Variants in CNTFR observed in about 807,000 individuals in gnomAD.
CNTFR encodes ciliary neurotrophic factor receptor, also known as ciliary neurotrophic factor receptor subunit alpha.
A neutral mutation model predicts 40.4 loss-of-function variants in CNTFR; 12 were observed. That is an observed-to-expected ratio of 0.30 (90% confidence interval 0.19 to 0.48). The LOEUF is 0.48. CNTFR is among the 20% of genes least tolerant of loss of function. CNTFR has a pLI of 0.99. For missense variants in CNTFR, 414 were observed against 506.8 expected (o/e 0.82, Z 1.76); for synonymous variants, 202 against 209.6 (o/e 0.96, Z 0.31).
upstream of CNTFR, chr9:34,589,815 C>G (rs113165729): frequency 6.7e-6 from 1 of 148,538 alleles, no homozygotes; most frequent in Admixed American, 6.7e-5. The surrounding 1 kb of genome is among the most constrained non-coding windows in gnomAD (Gnocchi z 4.4). Context: ...CATGTGACCG[C>G]GGGCGCCCGC....
intron 2 of CNTFR, among the ~76,000 whole-genome samples, chr9:34,579,282 C>T (rs1025355240): frequency 1.1e-4 from 16 of 152,098 alleles, no homozygotes; most frequent in African/African-American, 3.9e-4. Context: ...ATCAATCCGT[C>T]CGCCCGCCGC....
At chr9:34,572,795 G>A (rs1207036957) in intron 2 of CNTFR, among the ~76,000 whole-genome samples, 1 of 152,244 alleles carries the variant, frequency 6.6e-6, no homozygotes, top group African/African-American at 2.4e-5. Flanking sequence ...AATGCAGTGA[G>A]TGACAGTCAC....
intron 1 of CNTFR, among the ~76,000 whole-genome samples, chr9:34,586,706 T>A (rs1288556534): frequency 6.6e-6 from 1 of 152,166 alleles, no homozygotes; most frequent in Non-Finnish European, 1.5e-5. Context: ...TCCACTCAGA[T>A]CTTCCTGCCA....
At chr9:34,556,445 T>C in intron 6 of CNTFR, 27 bp from the exon 7 acceptor site, 1 of 1,558,308 alleles carries the variant, frequency 6.4e-7, no homozygotes, top group Non-Finnish European at 8.7e-7. Context: ...GCTTCATTAC[T>C]ACACTAATCA....
In CNTFR at chr9:34,557,195, G is replaced by T. The variant is rs1270967657; in HGVS notation, c.604+331C>A. Among the ~76,000 whole-genome samples the T allele has an allele frequency of 2.6e-5, 4 of 151,590 alleles. No homozygotes were observed. The highest frequency in any genetic ancestry group is 9.7e-5 in the African/African-American group (4 of 41,328). ...TCCGTAAGGAAGCCATTAGAGTTGG[G>T]GGGGGGTGCGGTGGAGGCTGCAGCT... On this transcript the variant is annotated intron_variant, in intron 6 of 9. Coordinates refer to ENST00000378980, the MANE Select transcript of CNTFR (RefSeq NM_147164.3). This position sits in a 1 kb window ranked among gnomAD's most constrained non-coding sequence, Gnocchi z 4.2.
chr9:34,551,562 T>C lies in CNTFR; in HGVS notation c.*509A>G, dbSNP rs1432192048. On this transcript the variant is annotated 3_prime_UTR_variant, in exon 10 of 10. Transcript: ENST00000378980. ...GGGACTGACAGGGCATTAAATACTGTGGGATAGGAGCAGGGTCAGGGGAGG... is the reference window on the plus strand; with the variant it reads ...GGGACTGACAGGGCATTAAATACTGCGGGATAGGAGCAGGGTCAGGGGAGG... 4.4e-6 allele frequency: 1 copy of C among 225,998 alleles called. No homozygotes were observed. Among genetic ancestry groups the C allele is most frequent in the Non-Finnish European group, 8.8e-6 (1 of 113,646 alleles). 14.0% of individuals were successfully genotyped at this position (225,998 alleles called of 1,614,324 possible). A position where few individuals can be genotyped will look rare whatever the true frequency, so the allele number is the denominator to read the frequency against.
chr9:34,585,860 C>A (rs958646344), intron 1 of CNTFR, among the ~76,000 whole-genome samples: 2 of 152,204 alleles, frequency 1.3e-5, no homozygotes, highest in Non-Finnish European at 2.9e-5. Flanking sequence ...CACACATGGT[C>A]CCCCCTAACC....
chr9:34,569,059 C>T, intron 2 of CNTFR, 78 bp from the exon 3 acceptor site: 1 of 1,364,608 alleles, frequency 7.3e-7, no homozygotes, highest in East Asian at 2.5e-5. Context: ...CTCCTGTTCT[C>T]AGGCAAGACT....
intron 4 of CNTFR, among the ~76,000 whole-genome samples, chr9:34,563,962 C>G (rs901883707): frequency 6.6e-6 from 1 of 152,208 alleles, no homozygotes; most frequent in African/African-American, 2.4e-5. Flanking sequence ...TGCCCCCCGT[C>G]CCTTCCTTCA....
intron 3 of CNTFR, among the ~76,000 whole-genome samples, chr9:34,565,421 C>T (rs573051857): frequency 1.3e-5 from 2 of 152,250 alleles, no homozygotes; most frequent in South Asian, 4.1e-4. Context: ...TCTGCCTTCC[C>T]AGCCTGCCAC....
rs1827685231 is a variant in CNTFR at position 34,589,436 on chromosome 9, C to G, written c.-112+119G>C. On this transcript the variant is annotated intron_variant, in intron 1 of 9. Coordinates refer to ENST00000378980, the MANE Select transcript of CNTFR (RefSeq NM_147164.3). The surrounding 1 kb of genome is among the most constrained non-coding windows in gnomAD (Gnocchi z 4.4). ...GTTTCTCGTGAACTTTCCTGTCGCCCCCGTCCGTGGGCCCACGGGTGTCCC... is the reference window on the plus strand; with the variant it reads ...GTTTCTCGTGAACTTTCCTGTCGCCGCCGTCCGTGGGCCCACGGGTGTCCC... The G allele has an allele frequency of 6.6e-6, 1 of 151,906 alleles. No individual in the cohort carries two copies. Among genetic ancestry groups the G allele is most frequent in the Non-Finnish European group, 1.5e-5 (1 of 67,928 alleles). 9.4% of individuals were successfully genotyped at this position (151,906 alleles called of 1,614,324 possible). A position where few individuals can be genotyped will look rare whatever the true frequency, so the allele number is the denominator to read the frequency against.
chr9:34,578,185 C>T (rs1311489187), intron 2 of CNTFR, among the ~76,000 whole-genome samples: 1 of 151,280 alleles, frequency 6.6e-6, no homozygotes, highest in African/African-American at 2.4e-5. Flanking sequence ...GGCCGGGCCG[C>T]GCGGTGAGCG....
At chr9:34,563,883 T>G (rs1351554524) in intron 4 of CNTFR, among the ~76,000 whole-genome samples, 1 of 152,098 alleles carries the variant, frequency 6.6e-6, no homozygotes, top group Non-Finnish European at 1.5e-5. Context: ...CCTGCCTCCC[T>G]CCACTCAGAG....
intron 2 of CNTFR, among the ~76,000 whole-genome samples, chr9:34,580,441 G>A (rs1367219714): frequency 6.6e-6 from 1 of 152,132 alleles, no homozygotes; most frequent in Admixed American, 6.5e-5. Context: ...ACAACAACCT[G>A]GTCCTAGTTG....
intron 2 of CNTFR, among the ~76,000 whole-genome samples, chr9:34,573,814 C>T (rs942624206): frequency 6.6e-6 from 1 of 152,372 alleles, no homozygotes; most frequent in African/African-American, 2.4e-5. Context: ...CTCACTGATT[C>T]AAACGCCTGG....
chr9:34,565,534 T>C (rs1826247996), intron 3 of CNTFR, among the ~76,000 whole-genome samples: 1 of 152,016 alleles, frequency 6.6e-6, no homozygotes, highest in Non-Finnish European at 1.5e-5. Context: ...GCTGTCAAGT[T>C]CACAAGGCAG....
At chr9:34,579,056 C>T (rs1305648996) in intron 2 of CNTFR, among the ~76,000 whole-genome samples, 1 of 152,186 alleles carries the variant, frequency 6.6e-6, no homozygotes, top group Admixed American at 6.5e-5. Flanking sequence ...TACACATATA[C>T]ATGAGCACAC....
Position 34,552,479 on chromosome 9 carries a change from C to G in CNTFR, c.950-150G>C. 2 of 1,062,778 alleles carry G rather than the reference C, an allele frequency of 1.9e-6. No homozygotes were observed. Among genetic ancestry groups the G allele is most frequent in the East Asian group, 5.2e-5 (2 of 38,444 alleles). 65.8% of individuals were successfully genotyped at this position (1,062,778 alleles called of 1,614,324 possible). On this transcript the variant is annotated intron_variant, in intron 8 of 9. Coordinates refer to ENST00000378980, the MANE Select transcript of CNTFR (RefSeq NM_147164.3). The surrounding 1 kb of genome is among the most constrained non-coding windows in gnomAD (Gnocchi z 5.1). Reference sequence around the variant, plus strand: ...CCTGTTTCCCAAGGCTCACAGATAACCCCTCCACCCAATGACCCCTACCAA... The same window carrying G: ...CCTGTTTCCCAAGGCTCACAGATAAGCCCTCCACCCAATGACCCCTACCAA...
At chr9:34,569,045 G>A (rs1826452771) in intron 2 of CNTFR, 64 bp from the exon 3 acceptor site, 3 of 1,446,364 alleles carry the variant, frequency 2.1e-6, no homozygotes, top group African/African-American at 2.8e-5. Flanking sequence ...GTCCTGGGGA[G>A]CCCCTCCTGT....
Sources: gnomAD v4.1 joint callset for allele counts (sites outside exome capture counted in the v4.1 genomes callset) on GRCh38, gnomAD v4.1.1 for gene constraint, Gnocchi (gnomAD v3.1) non-coding constraint, MANE v1.5 for transcripts, NCBI Gene and HGNC (gene_info 2026-07-23, HGNC 2026-07-21) for gene names.